SCN8A: variants seen among roughly 807,000 people sequenced by gnomAD.
SCN8A encodes the protein sodium voltage-gated channel alpha subunit 8.
Under a neutral mutation model 184.1 loss-of-function variants are expected in SCN8A, and 30 were observed. That is an observed-to-expected ratio of 0.16 (90% CI 0.12 to 0.22). The LOEUF is 0.22. SCN8A is among the 10% of genes least tolerant of loss of function. SCN8A has a pLI of 1.00. For missense variants in SCN8A, 1,057 were observed against 2,498.9 expected, an observed-to-expected ratio of 0.42 and a Z score of 12.30; for synonymous variants, 852 against 907.0, an observed-to-expected ratio of 0.94 and a Z score of 1.09.
Position 51,780,535 on chromosome 12 carries a change from T to C in SCN8A, c.3820-114T>C, listed in dbSNP as rs932089206. On this transcript the variant is annotated intron_variant, in intron 20 of 26. Transcript: ENST00000627620. Reference sequence around the variant, plus strand: ...TGTGTCTGCAGTGCTAGGGGCTTTATTCTAACACTCTGGAACCTCTGTTTT... The same window carrying C: ...TGTGTCTGCAGTGCTAGGGGCTTTACTCTAACACTCTGGAACCTCTGTTTT... 6 of 786,162 alleles carry C rather than the reference T, an allele frequency of 7.6e-6. No individual in the cohort carries two copies. The African/African-American group carries it at 1.2e-4, about 15-fold the overall frequency. 48.7% of individuals were successfully genotyped at this position (786,162 alleles called of 1,614,324 possible).
chr12:51,733,219 G>T (rs534846807), intron 12 of SCN8A, among the ~76,000 whole-genome samples: 1 of 152,234 alleles, frequency 6.6e-6, no homozygotes, highest in South Asian at 2.1e-4. Flanking sequence ...TTATATTGAA[G>T]TATGGTCCTT....
chr12:51,724,525 T>C (rs558903900), intron 12 of SCN8A, among the ~76,000 whole-genome samples: 1 of 152,342 alleles, frequency 6.6e-6, no homozygotes, highest in South Asian at 2.1e-4. Context: ...TTATAGATAC[T>C]TATCTTTACA....
chr12:51,650,907 A>T (rs1940697847), intron 1 of SCN8A, among the ~76,000 whole-genome samples: 1 of 152,250 alleles, frequency 6.6e-6, no homozygotes, highest in African/African-American at 2.4e-5. Flanking sequence ...CCATGTATTT[A>T]TTAACAGCAA....
At chr12:51,696,923 C>A (rs1221717378) in intron 6 of SCN8A, among the ~76,000 whole-genome samples, 1 of 151,468 alleles carries the variant, frequency 6.6e-6, no homozygotes, top group Non-Finnish European at 1.5e-5. Context: ...CCTGTAATCC[C>A]AGTTACTCTA....
rs1232408286 is a variant in SCN8A, at chr12:51,752,708, C to T, written c.2370+1115C>T. Among the ~76,000 whole-genome samples the T allele has an allele frequency of 2.0e-5, 3 of 152,280 alleles. No homozygotes were observed. In the East Asian group the frequency reaches 5.8e-4, roughly 29 times the overall value. The stretch of plus-strand genomic sequence containing the variant: ...GAAATGGGACACTCCCACAGACTGT[C>T]CAAGAAGTCTGCTGACTGGCTCTGA... On this transcript the variant is annotated intron_variant, in intron 14 of 26. Transcript: ENST00000627620.
chr12:51,736,226 G>A (rs1942323605), intron 12 of SCN8A, among the ~76,000 whole-genome samples: 1 of 152,136 alleles, frequency 6.6e-6, no homozygotes, highest in African/African-American at 2.4e-5. Flanking sequence ...TATAGCCTGG[G>A]GCATTCTCTG....
At chr12:51,750,349 AAAAGG>A (rs1458440711) in intron 13 of SCN8A, among the ~76,000 whole-genome samples, 1 of 152,212 alleles carries the variant, frequency 6.6e-6, no homozygotes, top group Non-Finnish European at 1.5e-5. Context: ...GAGAGAAAGA[AAAAGG>A]AAAGAAGATG....
intron 11 of SCN8A, among the ~76,000 whole-genome samples, chr12:51,721,103 ATATAATATTTATTTATTGT>A (rs1173048869): frequency 0.098 from 10,393 of 105,800 alleles, 567 homozygotes; most frequent in Non-Finnish European, 0.12. Flanking sequence ...ATATATATAT[ATATAATATTTATTTATTGT>A]TATATATATA....
At chr12:51,723,847 TAAAAAAA>T (rs34404145) in intron 12 of SCN8A, among the ~76,000 whole-genome samples, 2 of 148,986 alleles carry the variant, frequency 1.3e-5, no homozygotes, top group Non-Finnish European at 3.0e-5. Context: ...GACTCCATCT[TAAAAAAA>T]AAAAAATCTG....
At position 51,809,889 on chromosome 12, in the gene SCN8A, T is replaced by A. The variant is rs1048780735; in HGVS notation, c.*2460T>A. On this transcript the variant is annotated 3_prime_UTR_variant, in exon 27 of 27. Coordinates refer to ENST00000627620, the MANE Select transcript of SCN8A (RefSeq NM_001330260.2). ...CCAAACCAGACAGACAGACAAAAAATTTTTTATTGCTAATGGTCTTTTCCA... is the reference window on the plus strand; with the variant it reads ...CCAAACCAGACAGACAGACAAAAAAATTTTTATTGCTAATGGTCTTTTCCA... The A allele has an allele frequency of 2.6e-5, 4 of 152,198 alleles. No homozygotes were observed. The highest frequency in any genetic ancestry group is 2.1e-4 in the South Asian group (1 of 4,832). 9.4% of individuals were successfully genotyped at this position (152,198 alleles called of 1,614,324 possible).
chr12:51,688,579 T>G (rs770334384), intron 5 of SCN8A, among the ~76,000 whole-genome samples: 3 of 152,208 alleles, frequency 2.0e-5, no homozygotes, highest in Non-Finnish European at 4.4e-5. Context: ...CTAATATACT[T>G]TTGAATTCTT....
At chr12:51,796,125 A>T (rs1938400768) in intron 26 of SCN8A, among the ~76,000 whole-genome samples, 2 of 152,284 alleles carry the variant, frequency 1.3e-5, no homozygotes, top group Admixed American at 1.3e-4. Context: ...AATAATAATG[A>T]TAGCTCACAT....
intron 11 of SCN8A, among the ~76,000 whole-genome samples, chr12:51,718,988 G>A (rs1390106971): frequency 2.7e-5 from 4 of 148,526 alleles, no homozygotes; most frequent in South Asian, 2.2e-4. Flanking sequence ...ATTGCCAGCC[G>A]ATAGATTATT....
intron 1 of SCN8A, among the ~76,000 whole-genome samples, chr12:51,635,118 A>G (rs1165829356): frequency 6.6e-6 from 1 of 152,246 alleles, no homozygotes; most frequent in Non-Finnish European, 1.5e-5. Context: ...CTGCAGAGAA[A>G]TAAACAATTT....
At chr12:51,787,705 A>G (rs1938124795) in intron 22 of SCN8A, among the ~76,000 whole-genome samples, 2 of 152,230 alleles carry the variant, frequency 1.3e-5, no homozygotes, top group African/African-American at 2.4e-5. Flanking sequence ...TTCCATGCCT[A>G]TATCATACAG....
At chr12:51,623,677 A>G (rs561122567) in intron 1 of SCN8A, among the ~76,000 whole-genome samples, 70 of 152,280 alleles carry the variant, frequency 4.6e-4, no homozygotes, top group African/African-American at 1.4e-3. Flanking sequence ...GGTTAGTTAC[A>G]TATGTAAACA....
At chr12:51,769,739 C>T (rs1397863018) in intron 17 of SCN8A, 129 bp from the exon 18 acceptor site, 17 of 686,752 alleles carry the variant, frequency 2.5e-5, no homozygotes, top group East Asian at 2.7e-5. Flanking sequence ...TTGCTTATCG[C>T]GAGTTGTAGT....
intron 1 of SCN8A, among the ~76,000 whole-genome samples, chr12:51,626,267 T>C (rs1940075884): frequency 6.6e-6 from 1 of 152,064 alleles, no homozygotes; most frequent in Non-Finnish European, 1.5e-5. Context: ...GAGAGTTAGA[T>C]AAAGGAGGTG....
In SCN8A at chr12:51,689,148, C is replaced by G. The variant is rs564173132; in HGVS notation, c.706+52C>G. On this transcript the variant is annotated intron_variant, in intron 6 of 26. Transcript: ENST00000627620. ...CTTTGCCACATCTCCTCTTTCTCCTCCATTCGTTTTGTCCACCATTCTAAA... is the reference window on the plus strand; with the variant it reads ...CTTTGCCACATCTCCTCTTTCTCCTGCATTCGTTTTGTCCACCATTCTAAA... The G allele has an allele frequency of 3.1e-5, 41 of 1,331,244 alleles. No homozygotes were observed. The Middle Eastern group carries it at 5.4e-4, about 17-fold the overall frequency. The allele number at this position is 1,331,244 out of a possible 1,614,324, so 82.5% of individuals were successfully genotyped here.
Sources: allele counts gnomAD v4.1 joint callset (sites outside exome capture counted in the v4.1 genomes callset), GRCh38; gene constraint gnomAD v4.1.1; transcripts MANE v1.5; gene names NCBI Gene and HGNC (gene_info 2026-07-23, HGNC 2026-07-21).